The following TRPC6 variants were observed in gnomAD, a reference collection of about 807,000 sequenced individuals.
The protein encoded by TRPC6 is short transient receptor potential channel 6.
Under a neutral mutation model 90.7 loss-of-function variants are expected in TRPC6, and 55 were observed. That is an observed-to-expected ratio of 0.61 (90% confidence interval 0.49 to 0.76). The LOEUF (loss-of-function observed/expected upper bound fraction) is 0.76, where lower values mean the gene tolerates loss of function less well. Among genes scored for constraint, TRPC6 ranks in the 30% least tolerant of loss-of-function variants. The pLI, the probability that TRPC6 is intolerant of heterozygous loss-of-function variation, is 0.00. For missense variants in TRPC6, 989 were observed against 1,122.7 expected, an observed-to-expected ratio of 0.88 and a Z score of 1.70; for synonymous variants, 393 against 393.0, an observed-to-expected ratio of 1.00 and a Z score of 0.00.
At chr11:101,515,369 T>C (rs980877114) in intron 1 of TRPC6, among the ~76,000 whole-genome samples, 1 of 152,250 alleles carries the variant, frequency 6.6e-6, no homozygotes, top group South Asian at 2.1e-4. Flanking sequence ...ATCTTCGGAA[T>C]ACTCTGTGCT....
At chr11:101,544,878 T>TAAAAA (rs145301424) in intron 1 of TRPC6, among the ~76,000 whole-genome samples, 96 of 151,468 alleles carry the variant, frequency 6.3e-4, no homozygotes, top group East Asian at 5.3e-3. Flanking sequence ...TAAAGTATAA[T>TAAAAA]TAAAAAAAAT....
chr11:101,474,185 C>A (rs1489999619), intron 6 of TRPC6, among the ~76,000 whole-genome samples: 1 of 152,156 alleles, frequency 6.6e-6, no homozygotes, highest in East Asian at 1.9e-4. Flanking sequence ...AGCATATGTT[C>A]AGCGTTTAGC....
In TRPC6 at chr11:101,558,412, T is replaced by C. The variant is rs201089708; in HGVS notation, c.170+24922A>G. Reference sequence around the variant, plus strand: ...ATGTATACATATACACACACACATATACACACACACATATCTACATATATA... The same window carrying C: ...ATGTATACATATACACACACACATACACACACACACATATCTACATATATA... On this transcript the variant is annotated intron_variant, in intron 1 of 12. Coordinates refer to ENST00000344327, the MANE Select transcript of TRPC6 (RefSeq NM_004621.6). Among the ~76,000 whole-genome samples the C allele has an allele frequency of 5.8e-4, 47 of 81,506 alleles. 2 individuals carry two copies. Among genetic ancestry groups the C allele is most frequent in the East Asian group, 4.5e-3 (2 of 446 alleles). 53.5% of individuals were successfully genotyped at this position (81,506 alleles called of 152,430 possible).
intron 6 of TRPC6, among the ~76,000 whole-genome samples, chr11:101,475,853 C>T (rs1386634151): frequency 1.5e-5 from 2 of 133,468 alleles, no homozygotes; most frequent in Admixed American, 1.4e-4. Flanking sequence ...CATATATATA[C>T]ACACACACAC....
At chr11:101,477,072 C>A (rs900887333) in intron 5 of TRPC6, among the ~76,000 whole-genome samples, 1 of 151,970 alleles carries the variant, frequency 6.6e-6, no homozygotes, top group African/African-American at 2.4e-5. Context: ...CGGCTGCTCT[C>A]AGCCAATTAC....
At chr11:101,568,084 T>A (rs1024498485) in intron 1 of TRPC6, among the ~76,000 whole-genome samples, 3 of 151,852 alleles carry the variant, frequency 2.0e-5, no homozygotes, top group East Asian at 1.9e-4. Context: ...CCTAAAGGAG[T>A]ATGTTCTAAG....
intron 2 of TRPC6, among the ~76,000 whole-genome samples, chr11:101,496,920 ATTTG>A (rs1478441483): frequency 1.3e-5 from 2 of 152,102 alleles, no homozygotes; most frequent in Non-Finnish European, 2.9e-5. Context: ...TACTGCATTT[ATTTG>A]TTTATGTTTC....
At chr11:101,523,734 G>C (rs1028432723) in intron 1 of TRPC6, among the ~76,000 whole-genome samples, 1 of 152,122 alleles carries the variant, frequency 6.6e-6, no homozygotes, top group Non-Finnish European at 1.5e-5. Flanking sequence ...TTCTACATTT[G>C]AGATAAAATA....
Position 101,528,387 on chromosome 11 carries a change from C to G in TRPC6, c.171-23589G>C, listed in dbSNP as rs114935623. On this transcript the variant is annotated intron_variant, in intron 1 of 12. Transcript: ENST00000344327. ...TGCCTTGGATAAACCTCATTGCCTA[C>G]ACATTGCAAACCTCATTGGCACTGT... 8.6e-3 allele frequency among the ~76,000 whole-genome samples: 1,310 copies of G among 152,278 alleles called. 21 individuals carry two copies. The highest frequency in any genetic ancestry group is 0.03 in the African/African-American group (1,266 of 41,566).
At chr11:101,453,629 T>A (rs1016678064) in intron 12 of TRPC6, 21 bp downstream of exon 12, 2 of 1,612,862 alleles carry the variant, frequency 1.2e-6, no homozygotes, top group Non-Finnish European at 8.5e-7. Flanking sequence ...AGGGGCTGAT[T>A]TGCTTCTGCG....
intron 10 of TRPC6, among the ~76,000 whole-genome samples, chr11:101,461,877 G>A (rs553517751): frequency 2.6e-5 from 4 of 152,176 alleles, no homozygotes; most frequent in African/African-American, 4.8e-5. Flanking sequence ...CACCAAGGAA[G>A]AGGAATGGGA....
At chr11:101,477,897 T>G (rs917108396) in intron 5 of TRPC6, among the ~76,000 whole-genome samples, 1 of 152,196 alleles carries the variant, frequency 6.6e-6, no homozygotes, top group Non-Finnish European at 1.5e-5. Flanking sequence ...CTTTTTTAAT[T>G]AAAAAGAAGT....
At chr11:101,457,421 T>C (rs914540102) in intron 10 of TRPC6, among the ~76,000 whole-genome samples, 2 of 152,198 alleles carry the variant, frequency 1.3e-5, no homozygotes, top group African/African-American at 4.8e-5. Context: ...TAATAACTTG[T>C]TTCTAATTCG....
chr11:101,574,414 A>G (rs746941759), intron 1 of TRPC6, among the ~76,000 whole-genome samples: 10 of 151,300 alleles, frequency 6.6e-5, no homozygotes, highest in Admixed American at 3.3e-4. Flanking sequence ...CTTTTTGCTT[A>G]TTTCTTAAAG....
chr11:101,526,554 CAGA>C (rs1860783612), intron 1 of TRPC6, among the ~76,000 whole-genome samples: 1 of 151,898 alleles, frequency 6.6e-6, no homozygotes, highest in South Asian at 2.1e-4. Context: ...TTCTGAACAT[CAGA>C]AGATGATTTA....
chr11:101,568,101 C>T (rs1861876618), intron 1 of TRPC6, among the ~76,000 whole-genome samples: 1 of 152,076 alleles, frequency 6.6e-6, no homozygotes, highest in Non-Finnish European at 1.5e-5. Context: ...TAAGCCAATG[C>T]AAGGAAGCTA....
intron 1 of TRPC6, among the ~76,000 whole-genome samples, chr11:101,559,756 G>T: frequency 6.7e-6 from 1 of 150,240 alleles, no homozygotes. Context: ...TTAACATTAG[G>T]TATATCTCCT....
chr11:101,513,168 A>T (rs1044284617), intron 1 of TRPC6, among the ~76,000 whole-genome samples: 3 of 152,232 alleles, frequency 2.0e-5, no homozygotes, highest in African/African-American at 7.2e-5. Flanking sequence ...GAGAGAGCCA[A>T]GGGAACTGAT....
rs371350536 is a variant in TRPC6, at chr11:101,580,922, T to C, written c.170+2412A>G. 2.6e-4 allele frequency among the ~76,000 whole-genome samples: 39 copies of C among 152,346 alleles called. 1 individual carries two copies. In the East Asian group the frequency reaches 5.2e-3, roughly 20 times the overall value. Reference sequence around the variant, plus strand: ...GAGGGAGTAATTTTCTTTAGCTCTTTCTCATACATCATAGGTGTGAAGTAC... The same window carrying C: ...GAGGGAGTAATTTTCTTTAGCTCTTCCTCATACATCATAGGTGTGAAGTAC... On this transcript the variant is annotated intron_variant, in intron 1 of 12. Transcript: ENST00000344327.
Sources: gnomAD v4.1 joint callset for allele counts (sites outside exome capture counted in the v4.1 genomes callset) on GRCh38, gnomAD v4.1.1 for gene constraint, MANE v1.5 for transcripts, NCBI Gene and HGNC (gene_info 2026-07-23, HGNC 2026-07-21) for gene names.